Variants in RIMBP2 observed in about 807,000 individuals in gnomAD.
RIMBP2 encodes RIMS binding protein 2.
A neutral mutation model predicts 118.6 loss-of-function variants in RIMBP2; 48 were observed. The observed-to-expected ratio is 0.40, with a 90% CI of 0.32 to 0.51. RIMBP2 has a LOEUF of 0.51. RIMBP2 is among the 20% of genes least tolerant of loss of function. The pLI, the probability that RIMBP2 is intolerant of heterozygous loss-of-function variation, is 0.41. For synonymous variants in RIMBP2, 762 were observed against 742.9 expected, an observed-to-expected ratio of 1.03 and a Z score of -0.42; for missense variants, 1,551 against 1,768.3, an observed-to-expected ratio of 0.88 and a Z score of 2.20.
intron 7 of RIMBP2, among the ~76,000 whole-genome samples, chr12:130,451,771 T>C (rs2079031956): frequency 6.6e-6 from 1 of 151,818 alleles, no homozygotes; most frequent in South Asian, 2.1e-4. Context: ...ATCCCGGCGA[T>C]GGGCTTGGAG....
intron 1 of RIMBP2, among the ~76,000 whole-genome samples, chr12:130,647,283 A>C (rs1472849954): frequency 6.6e-6 from 1 of 152,148 alleles, no homozygotes; most frequent in East Asian, 1.9e-4. Flanking sequence ...GACTCTCTTG[A>C]ACCCGGGGGG....
chr12:130,458,900 C>T (rs1200418502), intron 6 of RIMBP2, among the ~76,000 whole-genome samples: 9 of 151,640 alleles, frequency 5.9e-5, no homozygotes, highest in Non-Finnish European at 8.8e-5. Context: ...CAAAATTAGC[C>T]GGGCAGGGAG....
At chr12:130,695,040 C>T (rs980444541) in intron 1 of RIMBP2, among the ~76,000 whole-genome samples, 2 of 152,192 alleles carry the variant, frequency 1.3e-5, no homozygotes, top group African/African-American at 4.8e-5. Flanking sequence ...AATGTCCAGT[C>T]GTGAACACAA....
At chr12:130,545,160 T>A (rs1593738307) in intron 2 of RIMBP2, among the ~76,000 whole-genome samples, 4 of 152,324 alleles carry the variant, frequency 2.6e-5, no homozygotes, top group African/African-American at 7.2e-5. Context: ...GAAAATTTTT[T>A]AAAAACAAGA....
rs562789576 is a variant in RIMBP2 at position 130,592,645 on chromosome 12, C to T, written c.-217+35677G>A. Among the ~76,000 whole-genome samples, 19 of 150,276 alleles carry T rather than the reference C, an allele frequency of 1.3e-4. No homozygotes were observed. In the East Asian group the frequency reaches 3.7e-3, roughly 30 times the overall value. On this transcript the variant is annotated intron_variant, in intron 2 of 22. Coordinates refer to ENST00000690449, the MANE Select transcript of RIMBP2 (RefSeq NM_001393629.1). ...CAGAGGTTGCAGTGAGCTGAGATCGCGCCACTGCACTCCAGCCTGGGCAAT... is the reference window on the plus strand; with the variant it reads ...CAGAGGTTGCAGTGAGCTGAGATCGTGCCACTGCACTCCAGCCTGGGCAAT...
intron 1 of RIMBP2, among the ~76,000 whole-genome samples, chr12:130,668,920 T>C (rs2064074009): frequency 6.6e-6 from 1 of 152,126 alleles, no homozygotes; most frequent in Non-Finnish European, 1.5e-5. Context: ...CGAGAGCCCC[T>C]GTACAGCGTT....
intron 4 of RIMBP2, among the ~76,000 whole-genome samples, chr12:130,503,488 ATCC>A (rs2050006305): frequency 6.6e-6 from 1 of 152,146 alleles, no homozygotes. Flanking sequence ...TTCCTCCCCA[ATCC>A]TCCTTGCTAA....
Position 130,428,460 on chromosome 12 carries a change from G to A in RIMBP2, c.2254-123C>T, listed in dbSNP as rs1385098120. 58 of 969,940 alleles carry A rather than the reference G, an allele frequency of 6.0e-5. 1 individual carries two copies. The highest frequency in any genetic ancestry group is 7.6e-5 in the Non-Finnish European group (50 of 658,788). 60.1% of individuals were successfully genotyped at this position (969,940 alleles called of 1,614,324 possible). A position where few individuals can be genotyped will look rare whatever the true frequency, so the allele number is the denominator to read the frequency against. On this transcript the variant is annotated intron_variant, in intron 14 of 22. Coordinates refer to ENST00000690449, the MANE Select transcript of RIMBP2 (RefSeq NM_001393629.1). The stretch of plus-strand genomic sequence containing the variant: ...TCACGGGGCTCACAGGCCTAGAGAC[G>A]GGCACAGGGTGTGTGTTACTCGTTC...
chr12:130,521,975 AAC>A (rs1020101480), intron 2 of RIMBP2, among the ~76,000 whole-genome samples: 3 of 152,138 alleles, frequency 2.0e-5, no homozygotes, highest in Admixed American at 6.5e-5. Context: ...TAAGAATCAA[AAC>A]ACACAGTCTG....
chr12:130,701,984 C>T lies in RIMBP2; in HGVS notation c.-352+14238G>A, dbSNP rs1381292223. ...GCACAAGGCCCACCAAAACATAATG[C>T]GGCACGAAAGAGGCCCCCATGTGGA... On this transcript the variant is annotated intron_variant, in intron 1 of 22. Coordinates refer to ENST00000690449, the MANE Select transcript of RIMBP2 (RefSeq NM_001393629.1). Among the ~76,000 whole-genome samples the T allele has an allele frequency of 5.9e-5, 9 of 152,054 alleles. No homozygotes were observed. In the East Asian group the frequency reaches 7.7e-4, roughly 13 times the overall value.
rs936008109 is a variant in RIMBP2 at position 130,446,025 on chromosome 12, C to A, written c.582-756G>T. Among the ~76,000 whole-genome samples the A allele has an allele frequency of 6.7e-6, 1 of 149,772 alleles. No individual in the cohort carries two copies. Among genetic ancestry groups the A allele is most frequent in the Non-Finnish European group, 1.5e-5 (1 of 66,956 alleles). ...CAGACGCATGATTTTATGCTCCCCCCCCCCACACCCCCAGGAATATAAGAG... is the reference window on the plus strand; with the variant it reads ...CAGACGCATGATTTTATGCTCCCCCACCCCACACCCCCAGGAATATAAGAG... On this transcript the variant is annotated intron_variant, in intron 9 of 22. Coordinates refer to ENST00000690449, the MANE Select transcript of RIMBP2 (RefSeq NM_001393629.1). The surrounding 1 kb of genome is among the most constrained non-coding windows in gnomAD (Gnocchi z 4.1).
chr12:130,482,355 C>A (rs2082086558), intron 4 of RIMBP2, among the ~76,000 whole-genome samples: 1 of 152,200 alleles, frequency 6.6e-6, no homozygotes, highest in African/African-American at 2.4e-5. Flanking sequence ...GGACACAGAA[C>A]AGGACAAACG....
At chr12:130,610,761 C>A (rs376784389) in intron 2 of RIMBP2, among the ~76,000 whole-genome samples, 1 of 151,556 alleles carries the variant, frequency 6.6e-6, no homozygotes. Flanking sequence ...GGGGTTTCAC[C>A]GTGTTAGCCA....
chr12:130,611,449 G>A (rs2060543275), intron 2 of RIMBP2, among the ~76,000 whole-genome samples: 2 of 152,218 alleles, frequency 1.3e-5, no homozygotes, highest in African/African-American at 4.8e-5. Flanking sequence ...ACCTGGGGCC[G>A]CTTCATTTAC....
intron 1 of RIMBP2, among the ~76,000 whole-genome samples, chr12:130,699,052 A>G (rs1410995257): frequency 6.6e-6 from 1 of 152,238 alleles, no homozygotes; most frequent in Non-Finnish European, 1.5e-5. Flanking sequence ...CACCAGTTAG[A>G]ATGGTGATCA....
chr12:130,613,100 G>C (rs2060661002), intron 2 of RIMBP2, among the ~76,000 whole-genome samples: 1 of 152,170 alleles, frequency 6.6e-6, no homozygotes, highest in East Asian at 1.9e-4. Context: ...TGACATTTTT[G>C]TCCTCACGAG....
chr12:130,604,291 TA>T (rs71088765), intron 2 of RIMBP2, among the ~76,000 whole-genome samples: 23,104 of 136,052 alleles, frequency 0.17, 2,004 homozygotes, highest in South Asian at 0.22. Flanking sequence ...TTTTAAAAAG[TA>T]AAAAAAAAAA....
intron 6 of RIMBP2, among the ~76,000 whole-genome samples, chr12:130,463,309 C>T (rs1012789438): frequency 2.6e-5 from 4 of 152,248 alleles, no homozygotes; most frequent in African/African-American, 7.2e-5. Flanking sequence ...CTCCCCATCC[C>T]GAGGCCACCT....
chr12:130,497,418 T>G (rs1338333304), intron 4 of RIMBP2, among the ~76,000 whole-genome samples: 1 of 152,190 alleles, frequency 6.6e-6, no homozygotes, highest in Non-Finnish European at 1.5e-5. Context: ...AGAAACCTTG[T>G]GAGTGTGAAG....
Sources: gnomAD v4.1 joint callset for allele counts (sites outside exome capture counted in the v4.1 genomes callset) on GRCh38, gnomAD v4.1.1 for gene constraint, Gnocchi (gnomAD v3.1) non-coding constraint, MANE v1.5 for transcripts, NCBI Gene and HGNC (gene_info 2026-07-23, HGNC 2026-07-21) for gene names.